STK3: variants seen among roughly 807,000 people sequenced by gnomAD.
STK3 encodes the protein serine/threonine-protein kinase 3.
A neutral mutation model predicts 58.0 loss-of-function variants in STK3; 41 were observed. The observed-to-expected ratio is 0.71, with a 90% CI of 0.55 to 0.92. The LOEUF (loss-of-function observed/expected upper bound fraction) is 0.92, where lower values mean the gene tolerates loss of function less well. Among genes scored for constraint, STK3 ranks in the 40% least tolerant of loss-of-function variants. The probability of loss-of-function intolerance (pLI) is 0.00; values close to 1 mark genes in which losing one functional copy is unlikely to be tolerated. For synonymous variants in STK3, 170 were observed against 191.0 expected, an observed-to-expected ratio of 0.89 and a Z score of 0.91; for missense variants, 479 against 602.7, an observed-to-expected ratio of 0.79 and a Z score of 2.15.
At chr8:98,564,268 G>C (rs1048272449) in intron 8 of STK3, among the ~76,000 whole-genome samples, 1 of 152,100 alleles carries the variant, frequency 6.6e-6, no homozygotes, top group Non-Finnish European at 1.5e-5. Context: ...AGGACATTCC[G>C]AGAGGCTGCG....
chr8:98,778,290 C>A (rs1449258953), intron 1 of STK3, among the ~76,000 whole-genome samples: 10 of 152,372 alleles, frequency 6.6e-5, no homozygotes, highest in African/African-American at 2.2e-4. Flanking sequence ...TGCTCATCAT[C>A]ACTGACCATC....
chr8:98,854,986 G>A (rs1430459896), intron 3 of STK3, among the ~76,000 whole-genome samples: 1 of 152,202 alleles, frequency 6.6e-6, no homozygotes, highest in African/African-American at 2.4e-5. Flanking sequence ...GGACCTGGTA[G>A]GCGGAGATTG....
chr8:98,434,691 C>A (rs1253531604), intron 2 of STK3, among the ~76,000 whole-genome samples: 1 of 151,930 alleles, frequency 6.6e-6, no homozygotes, highest in East Asian at 1.9e-4. Context: ...GGAGGGGAAA[C>A]AGAGGGAGGG....
In STK3 at chr8:98,777,219, T is replaced by C. The variant is rs193028577; in HGVS notation, c.27-2400A>G. On this transcript the variant is annotated intron_variant, in intron 1 of 10. Coordinates refer to ENST00000419617, the MANE Select transcript of STK3 (RefSeq NM_006281.4). ...TAATGAGTCTCCAGTTGCTCATTCA[T>C]TGACCAATGGTAAAATAGCAGAAAT... 5.7e-4 allele frequency among the ~76,000 whole-genome samples: 87 copies of C among 152,232 alleles called. 1 individual carries two copies. Among genetic ancestry groups the C allele is most frequent in the African/African-American group, 1.8e-3 (73 of 41,540 alleles).
At chr8:98,929,687 G>A (rs919141518) in intron 1 of STK3, among the ~76,000 whole-genome samples, 4 of 152,144 alleles carry the variant, frequency 2.6e-5, no homozygotes, top group South Asian at 2.1e-4. Flanking sequence ...GATCAGGTTA[G>A]TACAATTAAA....
intron 1 of STK3, among the ~76,000 whole-genome samples, chr8:98,929,391 C>T (rs897645343): frequency 1.3e-5 from 2 of 150,988 alleles, no homozygotes; most frequent in African/African-American, 4.9e-5. Flanking sequence ...GATGTGCTGG[C>T]CCATGCCTGT....
intron 1 of STK3, among the ~76,000 whole-genome samples, chr8:98,785,432 A>T (rs1832397879): frequency 6.6e-6 from 1 of 152,130 alleles, no homozygotes; most frequent in Admixed American, 6.5e-5. Context: ...CTTCATACCC[A>T]GGTACACCTC....
At chr8:98,489,431 T>G (rs1270886120) in intron 10 of STK3, among the ~76,000 whole-genome samples, 1 of 152,182 alleles carries the variant, frequency 6.6e-6, no homozygotes, top group Non-Finnish European at 1.5e-5. Flanking sequence ...TAATTTACCT[T>G]TCAATTTAGT....
At chr8:98,384,267 G>T (rs1385216661) in intron 1 of STK3, among the ~76,000 whole-genome samples, 1 of 152,160 alleles carries the variant, frequency 6.6e-6, no homozygotes, top group Non-Finnish European at 1.5e-5. Flanking sequence ...ACACCTAGGG[G>T]TGTAACCAAA....
At chr8:98,655,258 G>T (rs1326134496) in intron 6 of STK3, among the ~76,000 whole-genome samples, 1 of 152,132 alleles carries the variant, frequency 6.6e-6, no homozygotes, top group Non-Finnish European at 1.5e-5. Context: ...TTAATAAACG[G>T]TGCTGGGAAA....
chr8:98,601,285 C>G (rs1194030985), intron 6 of STK3, among the ~76,000 whole-genome samples: 1 of 152,198 alleles, frequency 6.6e-6, no homozygotes, highest in African/African-American at 2.4e-5. Context: ...GTCTGCCCCA[C>G]AACCACCTCT....
intron 3 of STK3, among the ~76,000 whole-genome samples, chr8:98,425,808 C>T (rs549040354): frequency 1.3e-5 from 2 of 152,336 alleles, no homozygotes; most frequent in East Asian, 3.9e-4. Flanking sequence ...GAATGTACTT[C>T]CCACTGTGGC....
At chr8:98,354,598 T>C in the STK3 span, among the ~76,000 whole-genome samples, 1 of 152,242 alleles carries the variant, frequency 6.6e-6, no homozygotes, top group Non-Finnish European at 1.5e-5. Context: ...GGAGGTTTTC[T>C]GTTATATACA....
At chr8:98,634,883 A>G (rs1819514074) in intron 6 of STK3, among the ~76,000 whole-genome samples, 2 of 152,030 alleles carry the variant, frequency 1.3e-5, no homozygotes, top group African/African-American at 4.8e-5. Flanking sequence ...CAGCCTCCCA[A>G]GTAGCTGGGA....
chr8:98,432,235 T>A (rs896415506), intron 3 of STK3: 12 of 167,014 alleles, frequency 7.2e-5, no homozygotes, highest in African/African-American at 2.7e-4. Flanking sequence ...GCTGTCAGAC[T>A]GACCTGTAAA....
intron 3 of STK3, among the ~76,000 whole-genome samples, chr8:98,857,349 G>A (rs1836720335): frequency 6.6e-6 from 1 of 152,174 alleles, no homozygotes; most frequent in Non-Finnish European, 1.5e-5. Flanking sequence ...TAGCTTCATG[G>A]ATCTGTTTAT....
At chr8:98,635,247 T>A (rs1224489547) in intron 6 of STK3, among the ~76,000 whole-genome samples, 1 of 152,218 alleles carries the variant, frequency 6.6e-6, no homozygotes. Flanking sequence ...TAACTTTTGA[T>A]ACATTCATGT....
intron 1 of STK3, among the ~76,000 whole-genome samples, chr8:98,445,380 C>T (rs1441109252): frequency 6.6e-6 from 1 of 151,982 alleles, no homozygotes; most frequent in Non-Finnish European, 1.5e-5. Context: ...CTAGTAGCCA[C>T]ATTTTTTAAA....
At chr8:98,476,402 C>T (rs561163331) in intron 10 of STK3, among the ~76,000 whole-genome samples, 1 of 152,270 alleles carries the variant, frequency 6.6e-6, no homozygotes, top group East Asian at 1.9e-4. Context: ...AGGACACTGA[C>T]ACGGGGTCAC....
Sources: gnomAD v4.1 joint callset for allele counts (sites outside exome capture counted in the v4.1 genomes callset) on GRCh38, gnomAD v4.1.1 for gene constraint, MANE v1.5 for transcripts, NCBI Gene and HGNC (gene_info 2026-07-23, HGNC 2026-07-21) for gene names.